ABCD2: variants seen among roughly 807,000 people sequenced by gnomAD.
ABCD2 encodes the protein ATP-binding cassette sub-family D member 2.
In ABCD2, 36 loss-of-function variants were observed where a neutral mutation model predicts 70.9. The ratio of observed to expected loss-of-function variants is 0.51; its 90% CI spans 0.39 to 0.67. The LOEUF (loss-of-function observed/expected upper bound fraction) is 0.67, where lower values mean the gene tolerates loss of function less well. ABCD2 is among the 30% of genes least tolerant of loss of function. The probability of loss-of-function intolerance (pLI) is 0.00; values close to 1 mark genes in which losing one functional copy is unlikely to be tolerated. For synonymous variants in ABCD2, 304 were observed against 306.9 expected (o/e 0.99, Z 0.10); for missense variants, 729 against 890.2 (o/e 0.82, Z 2.30).
chr12:39,571,405 C>T (rs548942683), intron 9 of ABCD2, among the ~76,000 whole-genome samples: 2 of 152,110 alleles, frequency 1.3e-5, no homozygotes, highest in East Asian at 1.9e-4. Context: ...AATAAAATCC[C>T]GCCACTTACA....
chr12:39,559,560 A>G (rs1415473487), intron 9 of ABCD2, among the ~76,000 whole-genome samples: 2 of 152,184 alleles, frequency 1.3e-5, no homozygotes, highest in Middle Eastern at 3.4e-3. Flanking sequence ...CTCAATCCAA[A>G]TAAGACTACC....
intron 9 of ABCD2, among the ~76,000 whole-genome samples, chr12:39,572,489 T>C (rs548379548): frequency 1.7e-4 from 26 of 152,306 alleles, no homozygotes; most frequent in African/African-American, 5.8e-4. Flanking sequence ...ATCCAGAAAG[T>C]ATATTTTTTA....
intron 7 of ABCD2, 48 bp downstream of exon 7, chr12:39,586,104 T>A (rs753995415): frequency 1.3e-6 from 2 of 1,536,900 alleles, no homozygotes; most frequent in Non-Finnish European, 1.8e-6. Context: ...CCAAGCTTAC[T>A]TTTTAAAAGT....
Position 39,564,695 on chromosome 12 carries a change from G to T in ABCD2, c.2003+9021C>A, listed in dbSNP as rs568335535. ...TTGCTTTTGGTGTTTTAGACATGAA[G>T]TCCTTGCCCATGCCTATGTCCTGAA... On this transcript the variant is annotated intron_variant, in intron 9 of 9. Coordinates refer to ENST00000308666, the MANE Select transcript of ABCD2 (RefSeq NM_005164.4). Among the ~76,000 whole-genome samples the T allele has an allele frequency of 2.0e-5, 3 of 152,124 alleles. No individual in the cohort carries two copies. In the South Asian group the frequency reaches 6.2e-4, roughly 32 times the overall value.
Position 39,586,872 on chromosome 12 carries a change from A to T in ABCD2, c.1647-575T>A, listed in dbSNP as rs1402335850. Among the ~76,000 whole-genome samples the T allele has an allele frequency of 4.6e-5, 7 of 152,244 alleles. No individual in the cohort carries two copies. The East Asian group carries it at 1.3e-3, about 29-fold the overall frequency. Reference sequence around the variant, plus strand: ...ATTTAATTCATAGTAAGAAAAACACAAATTAAAACTACATTGAGTTTCTTA... The same window carrying T: ...ATTTAATTCATAGTAAGAAAAACACTAATTAAAACTACATTGAGTTTCTTA... On this transcript the variant is annotated intron_variant, in intron 6 of 9. Coordinates refer to ENST00000308666, the MANE Select transcript of ABCD2 (RefSeq NM_005164.4).
the ABCD2 span, among the ~76,000 whole-genome samples, chr12:39,542,023 G>A: frequency 6.6e-6 from 1 of 152,186 alleles, no homozygotes; most frequent in Non-Finnish European, 1.5e-5. Flanking sequence ...AGCATAGGGT[G>A]GGCCTCTGCA....
chr12:39,559,702 C>T (rs903601006), intron 9 of ABCD2, among the ~76,000 whole-genome samples: 1 of 152,002 alleles, frequency 6.6e-6, no homozygotes, highest in Non-Finnish European at 1.5e-5. Flanking sequence ...ACCTCACAGG[C>T]CAGGAGAGAA....
chr12:39,604,746 C>A lies in ABCD2; in HGVS notation c.1405+16G>T. ...ACTTAAATATAGGAAAATATAAAAG[C>A]ACTTGAGTTTAATACCTTTAATTGC... is the stretch of plus-strand genomic sequence containing the variant. On this transcript the variant is annotated intron_variant, in intron 4 of 9. Transcript: ENST00000308666. 6.5e-7 allele frequency: 1 copy of A among 1,536,990 alleles called. No homozygotes were observed. Among genetic ancestry groups the A allele is most frequent in the South Asian group, 1.3e-5 (1 of 77,144 alleles).
chr12:39,564,811 G>T (rs1160631048), intron 9 of ABCD2, among the ~76,000 whole-genome samples: 1 of 152,126 alleles, frequency 6.6e-6, no homozygotes, highest in Non-Finnish European at 1.5e-5. Flanking sequence ...TTTGTATAAG[G>T]TGTAAGGAAG....
chr12:39,543,968 C>A, the ABCD2 span, among the ~76,000 whole-genome samples: 2 of 152,222 alleles, frequency 1.3e-5, no homozygotes, highest in Admixed American at 1.3e-4. Context: ...CCAAGGAGCT[C>A]ACCTTGCCCA....
At chr12:39,612,664 C>T (rs115634220) in intron 2 of ABCD2, among the ~76,000 whole-genome samples, 55 of 152,192 alleles carry the variant, frequency 3.6e-4, no homozygotes, top group African/African-American at 1.3e-3. Flanking sequence ...TTTTAAAGTA[C>T]GCCTTTGATA....
chr12:39,561,731 CTACAA>C (rs1941262694), intron 9 of ABCD2, among the ~76,000 whole-genome samples: 1 of 152,102 alleles, frequency 6.6e-6, no homozygotes, highest in South Asian at 2.1e-4. Flanking sequence ...AAGAAGTGAA[CTACAA>C]TACGAGTAGG....
At position 39,579,576 on chromosome 12, in the gene ABCD2, C is replaced by A; in HGVS notation, c.1836G>T (p.Gly612=). The change falls in exon 8 of 10, where the codon GGG becomes GGT. Residue 612 remains glycine (G), a synonymous_variant. Transcript: ENST00000308666. ...VMDWKDVLSG[G]EKQRMGMARM... ...GAGCCATGCCCATTCTTTGCTTTTC[C>A]CCTCCTGACAGGACATCTTTCCAGT... The A allele has an allele frequency of 6.2e-7, 1 of 1,613,068 alleles. No individual in the cohort carries two copies. Among genetic ancestry groups the A allele is most frequent in the Non-Finnish European group, 8.5e-7 (1 of 1,179,468 alleles).
chr12:39,599,307 A>T (rs561058656), intron 6 of ABCD2, among the ~76,000 whole-genome samples: 1 of 152,350 alleles, frequency 6.6e-6, no homozygotes, highest in African/African-American at 2.4e-5. Flanking sequence ...ATAGAATTCT[A>T]TAATAGAAAA....
the ABCD2 span, among the ~76,000 whole-genome samples, chr12:39,543,447 CTT>C: frequency 6.6e-6 from 1 of 152,150 alleles, no homozygotes; most frequent in Non-Finnish European, 1.5e-5. Flanking sequence ...CCCTTGCTCT[CTT>C]ATGTCCTTTT....
chr12:39,617,093 A>T lies in ABCD2; in HGVS notation c.1015T>A (p.Trp339Arg), dbSNP rs770594701. 3 of 1,612,746 alleles carry T rather than the reference A, an allele frequency of 1.9e-6. No homozygotes were observed. The East Asian group carries it at 6.7e-5, about 36-fold the overall frequency. The change falls in exon 2 of 10, where the codon TGG (tryptophan) becomes AGG (arginine). Residue 339 changes from tryptophan to arginine, a missense_variant. By Grantham distance (101) the Trp-to-Arg change is moderately radical (BLOSUM62 -3). Around this residue, in one of 3 missense-constraint regions of ABCD2, gnomAD observed 195 missense variants for 300.2 expected, o/e 0.65. Transcript: ENST00000308666. Reference protein sequence around the residue: ...QMNLILSKRLWYIMIEQFLMK... With the variant: ...QMNLILSKRLRYIMIEQFLMK... ...AGGAACTGTTCTATCATGATGTACC[A>T]CAAACGTTTGGATAAAATGAGGTTC...
chr12:39,555,323 A>G (rs1372810319), intron 9 of ABCD2, among the ~76,000 whole-genome samples: 1 of 152,170 alleles, frequency 6.6e-6, no homozygotes, highest in Non-Finnish European at 1.5e-5. Flanking sequence ...TCTTTTACTT[A>G]TACAAATGAT....
At chr12:39,558,291 C>T (rs1244529492) in intron 9 of ABCD2, among the ~76,000 whole-genome samples, 1 of 152,182 alleles carries the variant, frequency 6.6e-6, no homozygotes, top group Non-Finnish European at 1.5e-5. Flanking sequence ...CATGTACCCC[C>T]ATTATATCTA....
At chr12:39,534,797 A>G in the ABCD2 span, among the ~76,000 whole-genome samples, 3 of 150,362 alleles carry the variant, frequency 2.0e-5, no homozygotes, top group South Asian at 2.1e-4. Context: ...AAAGAAAGAA[A>G]GAAAGAAAGA....
Sources: gnomAD v4.1 joint callset for allele counts (sites outside exome capture counted in the v4.1 genomes callset) on GRCh38, gnomAD v4.1.1 for gene constraint, gnomAD v4.1.1 regional missense constraint, MANE v1.5 for transcripts, NCBI Gene and HGNC (gene_info 2026-07-23, HGNC 2026-07-21) for gene names.